The following EDA variants were observed in gnomAD, a reference collection of about 807,000 sequenced individuals.
EDA encodes the protein ectodysplasin A.
EDA carries 2 observed loss-of-function variants against 23.6 expected under a neutral mutation model. The ratio of observed to expected loss-of-function variants is 0.08; its 90% CI spans 0.03 to 0.27. The LOEUF is 0.27. Among genes scored for constraint, EDA ranks in the 10% least tolerant of loss-of-function variants. The pLI is 1.00. For missense variants in EDA, 229 were observed against 324.2 expected (o/e 0.71, Z 2.26); for synonymous variants, 131 against 132.0 (o/e 0.99, Z 0.05).
chrX:69,947,205 C>T (rs1334919102), intron 1 of EDA, among the ~76,000 whole-genome samples: 1 of 112,381 alleles, frequency 8.9e-6, no homozygotes, highest in African/African-American at 3.2e-5. Flanking sequence ...ATATTGTTGC[C>T]CTTCCTTTTA....
At chrX:69,895,678 C>T (rs1272122409) in intron 1 of EDA, among the ~76,000 whole-genome samples, 1 of 111,712 alleles carries the variant, frequency 9.0e-6, no homozygotes, top group Admixed American at 9.5e-5. Flanking sequence ...AATTTTTAAA[C>T]CTTCTTGACA....
chrX:69,785,978 A>G (rs2015152293), intron 1 of EDA, among the ~76,000 whole-genome samples: 1 of 110,542 alleles, frequency 9.0e-6, no homozygotes, highest in African/African-American at 3.3e-5. Context: ...AGCTCCTGTT[A>G]TTGGTCTATT....
At chrX:69,882,707 A>AT (rs2017766418) in intron 1 of EDA, among the ~76,000 whole-genome samples, 1 of 15,095 alleles carries the variant, frequency 6.6e-5, no homozygotes, top group Non-Finnish European at 3.1e-4. Flanking sequence ...GTTTGTAACT[A>AT]CTTTTTTTTT....
At chrX:69,649,938 A>G (rs754170311) in intron 1 of EDA, among the ~76,000 whole-genome samples, 8 of 112,040 alleles carry the variant, frequency 7.1e-5, no homozygotes, top group Non-Finnish European at 1.5e-4. Flanking sequence ...TCTCAGGGAA[A>G]TTCTTTAAAC....
intron 1 of EDA, among the ~76,000 whole-genome samples, chrX:69,940,946 C>A (rs1246174682): frequency 9.0e-6 from 1 of 111,469 alleles, no homozygotes; most frequent in Non-Finnish European, 1.9e-5. Context: ...TTCACTGTAT[C>A]CCATAGGTTC....
intron 1 of EDA, among the ~76,000 whole-genome samples, chrX:69,812,181 T>A (rs1602433158): frequency 8.9e-6 from 1 of 112,137 alleles, no homozygotes; most frequent in Admixed American, 9.4e-5. Flanking sequence ...TAATCTCAGA[T>A]TTATTCTTCT....
At chrX:69,703,530 C>A (rs1242098034) in intron 1 of EDA, among the ~76,000 whole-genome samples, 1 of 112,349 alleles carries the variant, frequency 8.9e-6, no homozygotes, top group Non-Finnish European at 1.9e-5. Flanking sequence ...TTTTAATGAG[C>A]GCCTGGGTGC....
intron 1 of EDA, among the ~76,000 whole-genome samples, chrX:69,653,316 C>T (rs1933167369): frequency 9.0e-6 from 1 of 111,551 alleles, no homozygotes; most frequent in Admixed American, 9.6e-5. Context: ...GATTTTCGTA[C>T]ATTGATTTTG....
At chrX:69,697,175 A>G (rs748547906) in intron 1 of EDA, among the ~76,000 whole-genome samples, 2 of 111,766 alleles carry the variant, frequency 1.8e-5, no homozygotes, top group African/African-American at 3.3e-5. Flanking sequence ...AAATGAGGAC[A>G]GGGCAGGGAT....
intron 1 of EDA, among the ~76,000 whole-genome samples, chrX:69,653,005 T>C (rs769944032): frequency 1.8e-5 from 2 of 111,846 alleles, no homozygotes; most frequent in South Asian, 3.8e-4. Context: ...TTTTTTCCAA[T>C]CTGTAAAGAA....
At chrX:69,819,652 A>G (rs975978041) in intron 1 of EDA, among the ~76,000 whole-genome samples, 1 of 111,643 alleles carries the variant, frequency 9.0e-6, no homozygotes, top group African/African-American at 3.3e-5. Context: ...TAAAATGCCT[A>G]GGAATATGGC....
In EDA at chrX:69,757,287, G is replaced by A. The variant is rs2014151996; in HGVS notation, c.396+140583G>A. On this transcript the variant is annotated intron_variant, in intron 1 of 7. Coordinates refer to ENST00000374552, the MANE Select transcript of EDA (RefSeq NM_001399.5). ...CTATGTCTCTTTAGTAATTAAAGGGGGTGCTGCAAATAATTTAGTAAAAAA... is the reference window on the plus strand; with the variant it reads ...CTATGTCTCTTTAGTAATTAAAGGGAGTGCTGCAAATAATTTAGTAAAAAA... 3.6e-5 allele frequency among the ~76,000 whole-genome samples: 4 copies of A among 111,373 alleles called. No homozygotes were observed. The Admixed American group carries it at 3.8e-4, about 11-fold the overall frequency.
chrX:69,974,868 C>T (rs189105612), intron 2 of EDA, among the ~76,000 whole-genome samples: 377 of 111,832 alleles, frequency 3.4e-3, no homozygotes, highest in Non-Finnish European at 6.3e-3. Flanking sequence ...AAAAAATGTT[C>T]GGCATCACTA....
chrX:69,995,676 T>A (rs1359958418), intron 2 of EDA, among the ~76,000 whole-genome samples: 1 of 112,329 alleles, frequency 8.9e-6, no homozygotes, highest in Non-Finnish European at 1.9e-5. Context: ...GGCTAATGGG[T>A]GGGGAGGGCT....
intron 1 of EDA, among the ~76,000 whole-genome samples, chrX:69,636,730 G>A (rs760231850): frequency 4.8e-4 from 52 of 108,766 alleles, no homozygotes; most frequent in Admixed American, 1.0e-3. Flanking sequence ...CAAGGAAACC[G>A]TTTCTTCTTG....
At chrX:70,032,689 G>A (rs768508194) in intron 6 of EDA, among the ~76,000 whole-genome samples, 17 of 111,327 alleles carry the variant, frequency 1.5e-4, no homozygotes, top group Non-Finnish European at 3.2e-4. Context: ...CTTTGCCAAG[G>A]GTGGCTCGGC....
Position 70,035,567 on chromosome X carries a change from G to A in EDA, c.1134G>A (p.Thr378=), listed in dbSNP as rs756523601. 7 of 1,204,791 alleles carry A rather than the reference G, an allele frequency of 5.8e-6. No homozygotes were observed. The highest frequency in any genetic ancestry group is 5.4e-5 in the African/African-American group (3 of 55,607). ...CCATCAACATGAGCAAGCACACCAC[G>A]TTCTTTGGGGCCATCAGGCTGGGTG... ...DISINMSKHT[T]FFGAIRLGEA... is the part of the protein sequence containing the mutation. Residue 378 remains threonine (T), a synonymous_variant, in exon 8 of 8, where the codon ACG becomes ACA. Transcript: ENST00000374552.
At chrX:70,013,420 G>A (rs112940195) in intron 2 of EDA, among the ~76,000 whole-genome samples, 4,159 of 110,814 alleles carry the variant, frequency 0.038, 199 homozygotes, top group African/African-American at 0.13. Context: ...GAGCATTCCC[G>A]CTGGTAGTGG....
At position 69,918,149 on chromosome X, in the gene EDA, CTTTT is replaced by C. The variant is rs71981189; in HGVS notation, c.397-38857_397-38854del. On this transcript the variant is annotated intron_variant, in intron 1 of 7. Coordinates refer to ENST00000374552, the MANE Select transcript of EDA (RefSeq NM_001399.5). ...AGGAAGCTGAATACCCCATCCCCTG[CTTTT>C]TTTTTTTTTTTTTTTTTTTTCCAGA... Among the ~76,000 whole-genome samples the C allele has an allele frequency of 5.0e-4, 37 of 73,448 alleles. No individual in the cohort carries two copies. In the East Asian group the frequency reaches 5.6e-3, roughly 11 times the overall value. The allele number at this position is 73,448 out of a possible 115,157, so 63.8% of individuals were successfully genotyped here.
Sources: gnomAD v4.1 joint callset for allele counts (sites outside exome capture counted in the v4.1 genomes callset) on GRCh38, gnomAD v4.1.1 for gene constraint, MANE v1.5 for transcripts, NCBI Gene and HGNC (gene_info 2026-07-23, HGNC 2026-07-21) for gene names.